The following STIM2 variants were observed in gnomAD, a reference collection of about 807,000 sequenced individuals.
STIM2 encodes stromal interaction molecule 2.
Under a neutral mutation model 85.8 loss-of-function variants are expected in STIM2, and 31 were observed. The ratio of observed to expected loss-of-function variants is 0.36; its 90% CI spans 0.27 to 0.49. The LOEUF is 0.49. Ranked by LOEUF, STIM2 falls within the 20% of genes least tolerant of loss-of-function variation. The pLI is 0.98. For missense variants in STIM2, 841 were observed against 927.6 expected (o/e 0.91, Z 1.21); for synonymous variants, 356 against 331.1 (o/e 1.08, Z -0.82).
intron 3 of STIM2, among the ~76,000 whole-genome samples, chr4:26,981,699 G>A (rs184704516): frequency 3.0e-4 from 46 of 152,262 alleles, no homozygotes; most frequent in Non-Finnish European, 1.3e-4. Context: ...GGACTTTTAC[G>A]ACGTTGGCCA....
intron 3 of STIM2, among the ~76,000 whole-genome samples, chr4:26,971,371 T>C (rs921250275): frequency 6.6e-6 from 1 of 152,168 alleles, no homozygotes; most frequent in Non-Finnish European, 1.5e-5. Flanking sequence ...GTTTTTATGG[T>C]TTTAGGTCTA....
chr4:26,945,645 A>T (rs1181004431), intron 2 of STIM2, among the ~76,000 whole-genome samples: 1 of 152,112 alleles, frequency 6.6e-6, no homozygotes, highest in East Asian at 1.9e-4. Flanking sequence ...AGCCATTCTG[A>T]CTGGTGTGCA....
Position 27,017,925 on chromosome 4 carries a change from T to C in STIM2, c.1704T>C (p.Pro568=), listed in dbSNP as rs1391334848. The C allele has an allele frequency of 6.2e-7, 1 of 1,614,120 alleles. No homozygotes were observed. Among genetic ancestry groups the C allele is most frequent in the Non-Finnish European group, 8.5e-7 (1 of 1,180,008 alleles). The stretch of plus-strand genomic sequence containing the variant: ...ATATCCTCTCAGTGTCAAGTTGCCC[T>C]GCGCTTTATCGAAATGAAGAGGAGG... The change falls in exon 11 of 12, where the codon CCT becomes CCC. Residue 568 remains proline (P), a synonymous_variant. Transcript: ENST00000467087.
chr4:26,890,829 A>T (rs1329873373), intron 1 of STIM2, among the ~76,000 whole-genome samples: 16 of 151,648 alleles, frequency 1.1e-4, no homozygotes, highest in Admixed American at 1.0e-3. Flanking sequence ...GTCTCAAAAA[A>T]AAAAAAAAAA....
intron 1 of STIM2, among the ~76,000 whole-genome samples, chr4:26,910,492 C>G (rs529531388): frequency 6.6e-6 from 1 of 151,768 alleles, no homozygotes; most frequent in African/African-American, 2.4e-5. Flanking sequence ...CCACTGCACT[C>G]CAGCCTGGGT....
chr4:26,906,882 G>A (rs1724147233), intron 1 of STIM2, among the ~76,000 whole-genome samples: 8 of 151,946 alleles, frequency 5.3e-5, no homozygotes, highest in Admixed American at 5.2e-4. Context: ...CAGGAGAATG[G>A]CGTGAATCTG....
Position 26,919,543 on chromosome 4 carries a change from A to G in STIM2, c.191A>G (p.Glu64Gly). The change falls in exon 2 of 12, where the codon GAA becomes GGA. Residue 64 changes from glutamate to glycine, a missense_variant. Coordinates refer to ENST00000467087, the MANE Select transcript of STIM2 (RefSeq NM_020860.4). ...CTGAGTCCACCATGCTTTACAGAAG[A>G]AGACAGATTTAGTCTGGAAGCTCTT... is the stretch of plus-strand genomic sequence containing the variant. 1 of 1,613,710 alleles carries G rather than the reference A, an allele frequency of 6.2e-7. No individual in the cohort carries two copies. The highest frequency in any genetic ancestry group is 8.5e-7 in the Non-Finnish European group (1 of 1,179,746).
chr4:26,980,056 G>A (rs528134630), intron 3 of STIM2, among the ~76,000 whole-genome samples: 1 of 152,130 alleles, frequency 6.6e-6, no homozygotes, highest in African/African-American at 2.4e-5. Flanking sequence ...GAGCCACTGG[G>A]CCCAGCCCCA....
rs6813072 is a variant in STIM2 at position 26,950,204 on chromosome 4, A to T, written c.283-7408A>T. ...GCTATTTCATGTTTTAAGCATTCAG[A>T]CTAATTGTAGTCTTTATGTTTTTAT... On this transcript the variant is annotated intron_variant, in intron 2 of 11. Coordinates refer to ENST00000467087, the MANE Select transcript of STIM2 (RefSeq NM_020860.4). 6.8e-4 allele frequency among the ~76,000 whole-genome samples: 103 copies of T among 152,330 alleles called. 1 individual carries two copies. The highest frequency in any genetic ancestry group is 2.4e-3 in the African/African-American group (99 of 41,576).
intron 1 of STIM2, among the ~76,000 whole-genome samples, chr4:26,891,604 T>G (rs933412463): frequency 8.7e-5 from 13 of 149,484 alleles, no homozygotes; most frequent in Non-Finnish European, 1.6e-4. Context: ...CACACCCCCT[T>G]TTGGTTATTG....
intron 1 of STIM2, among the ~76,000 whole-genome samples, chr4:26,903,406 G>T (rs192596286): frequency 6.6e-6 from 1 of 152,192 alleles, no homozygotes; most frequent in Non-Finnish European, 1.5e-5. Context: ...GAACGGTTTT[G>T]TTATACACAC....
rs991840168 is a variant in STIM2 at position 27,009,394 on chromosome 4, A to G, written c.1489+392A>G. Among the ~76,000 whole-genome samples, 8 of 152,286 alleles carry G rather than the reference A, an allele frequency of 5.3e-5. 1 individual carries two copies. Among genetic ancestry groups the G allele is most frequent in the African/African-American group, 9.6e-5 (4 of 41,564 alleles). ...AAACATAATTGACAGTAAAGATAGC[A>G]CACTATAAATGCCAAATCAGTGTGG... On this transcript the variant is annotated intron_variant, in intron 10 of 11. Coordinates refer to ENST00000467087, the MANE Select transcript of STIM2 (RefSeq NM_020860.4).
At position 26,986,040 on chromosome 4, in the gene STIM2, C is replaced by T. The variant is rs534941730; in HGVS notation, c.398-9339C>T. Reference sequence around the variant, plus strand: ...AACGCAGGAGATGGTTAAGAGTTGGCCTTTGAACTCAGTGGGCGTAGTTCT... The same window carrying T: ...AACGCAGGAGATGGTTAAGAGTTGGTCTTTGAACTCAGTGGGCGTAGTTCT... On this transcript the variant is annotated intron_variant, in intron 3 of 11. Transcript: ENST00000467087. Among the ~76,000 whole-genome samples, 1,396 of 152,286 alleles carry T rather than the reference C, an allele frequency of 9.2e-3. 12 individuals are homozygous for T. The highest frequency in any genetic ancestry group is 0.014 in the Non-Finnish European group (982 of 68,032).
At chr4:26,936,448 T>C (rs1725394701) in intron 2 of STIM2, among the ~76,000 whole-genome samples, 1 of 152,216 alleles carries the variant, frequency 6.6e-6, no homozygotes, top group Non-Finnish European at 1.5e-5. Context: ...TTCTACTGTT[T>C]CTTATCATCC....
chr4:26,960,056 G>A (rs1207806787), intron 3 of STIM2, among the ~76,000 whole-genome samples: 1 of 152,132 alleles, frequency 6.6e-6, no homozygotes, highest in African/African-American at 2.4e-5. Flanking sequence ...TATTAAAGGG[G>A]TCATGTAAGG....
intron 3 of STIM2, among the ~76,000 whole-genome samples, chr4:26,981,057 C>T (rs1461852471): frequency 1.3e-5 from 2 of 152,188 alleles, no homozygotes; most frequent in Admixed American, 1.3e-4. Flanking sequence ...CAAGGTACAG[C>T]TATTCTTTCC....
chr4:26,916,249 A>C (rs1465671426), intron 1 of STIM2, among the ~76,000 whole-genome samples: 1 of 152,226 alleles, frequency 6.6e-6, no homozygotes, highest in Non-Finnish European at 1.5e-5. Flanking sequence ...CTTGAGTCTT[A>C]CTTTAAAGGA....
intron 11 of STIM2, 45 bp downstream of exon 11, chr4:27,018,029 G>C (rs775335674): frequency 7.5e-6 from 12 of 1,602,316 alleles, no homozygotes; most frequent in East Asian, 2.2e-5. Context: ...GGCTGGGTTG[G>C]GGGTAAGGTG....
At position 27,002,270 on chromosome 4, in the gene STIM2, G is replaced by T. The variant is rs774125124; in HGVS notation, c.679G>T (p.Gly227Cys). ...TATCCTCACAGTTTCTATAGTAATT[G>T]GTGTTGGAGGCTGCTGGTTTGCTTA... is the stretch of plus-strand genomic sequence containing the variant. The change falls in exon 6 of 12, where the codon GGT becomes TGT. Residue 227 changes from glycine to cysteine, a missense_variant. Transcript: ENST00000467087. 6.2e-7 allele frequency: 1 copy of T among 1,613,096 alleles called. No individual in the cohort carries two copies. Among genetic ancestry groups the T allele is most frequent in the Non-Finnish European group, 8.5e-7 (1 of 1,179,704 alleles).
Sources: gnomAD v4.1 joint callset for allele counts (sites outside exome capture counted in the v4.1 genomes callset) on GRCh38, gnomAD v4.1.1 for gene constraint, MANE v1.5 for transcripts, NCBI Gene and HGNC (gene_info 2026-07-23, HGNC 2026-07-21) for gene names.